The following CLTRN variants were observed in gnomAD, a reference collection of about 807,000 sequenced individuals.
CLTRN encodes collectrin.
Under a neutral mutation model 14.5 loss-of-function variants are expected in CLTRN, and 12 were observed. The observed-to-expected ratio is 0.83, with a 90% confidence interval of 0.53 to 1.34. The LOEUF (loss-of-function observed/expected upper bound fraction) is 1.34, where lower values mean the gene tolerates loss of function less well. CLTRN is among the 40% of genes most tolerant of loss of function. The pLI is 0.00. For missense variants in CLTRN, 154 were observed against 165.1 expected (o/e 0.93, Z 0.37); for synonymous variants, 58 against 56.5 (o/e 1.03, Z -0.12).
intron 3 of CLTRN, among the ~76,000 whole-genome samples, chrX:15,657,126 G>A (rs1334991161): frequency 9.0e-6 from 1 of 110,725 alleles, no homozygotes; most frequent in Non-Finnish European, 1.9e-5. Context: ...GAGTAGCTGG[G>A]ACTATTGGTG....
intron 3 of CLTRN, among the ~76,000 whole-genome samples, chrX:15,648,771 A>T (rs1929150371): frequency 9.1e-6 from 1 of 109,346 alleles, no homozygotes; most frequent in Non-Finnish European, 1.9e-5. Flanking sequence ...AGATCGCGCC[A>T]CTGCACTGCA....
At chrX:15,655,622 C>T (rs1045297043) in intron 3 of CLTRN, among the ~76,000 whole-genome samples, 3 of 111,929 alleles carry the variant, frequency 2.7e-5, no homozygotes, top group Admixed American at 1.9e-4. Context: ...ACTGCTCTCT[C>T]TCTCCCCAGT....
At chrX:15,673,617 G>A (rs1250644533) in intron 1 of CLTRN, among the ~76,000 whole-genome samples, 1 of 112,329 alleles carries the variant, frequency 8.9e-6, no homozygotes, top group Non-Finnish European at 1.9e-5. Context: ...AATAAAAAAT[G>A]TTTTGTTGAA....
At chrX:15,650,336 C>T (rs994150889) in intron 3 of CLTRN, among the ~76,000 whole-genome samples, 11 of 110,440 alleles carry the variant, frequency 1.0e-4, no homozygotes, top group South Asian at 3.8e-4. Context: ...AGTATCTACA[C>T]GAAAAATAAA....
intron 3 of CLTRN, among the ~76,000 whole-genome samples, chrX:15,652,996 G>A (rs1929258338): frequency 1.8e-5 from 2 of 111,215 alleles, no homozygotes; most frequent in Non-Finnish European, 3.8e-5. Context: ...CAGGAGAATT[G>A]CGTTAACCGA....
chrX:15,673,699 G>T (rs769649758), intron 1 of CLTRN, among the ~76,000 whole-genome samples: 1 of 112,587 alleles, frequency 8.9e-6, no homozygotes, highest in African/African-American at 3.2e-5. Flanking sequence ...AGCAGAAATG[G>T]ATGGAAGGTG....
chrX:15,629,196 TAGC>T (rs1233142753), intron 5 of CLTRN, among the ~76,000 whole-genome samples: 8 of 110,871 alleles, frequency 7.2e-5, no homozygotes, highest in Admixed American at 9.6e-5. Context: ...AAATGCCAAA[TAGC>T]AGAAAAGAAT....
At chrX:15,669,172 G>C (rs1321876165), upstream of CLTRN, among the ~76,000 whole-genome samples, 1 of 111,679 alleles carries the variant, frequency 9.0e-6, no homozygotes, top group African/African-American at 3.3e-5. Flanking sequence ...CTAGATACTA[G>C]GGTTCTTGCC....
At chrX:15,645,084 T>A in intron 3 of CLTRN, 55 bp from the exon 4 acceptor site, 1 of 740,859 alleles carries the variant, frequency 1.3e-6, no homozygotes, top group Non-Finnish European at 2.0e-6. Flanking sequence ...CAAATGGCAT[T>A]AAACCGTTCA....
chrX:15,669,268 T>C (rs1040821284), upstream of CLTRN, among the ~76,000 whole-genome samples: 2 of 112,204 alleles, frequency 1.8e-5, no homozygotes, highest in Non-Finnish European at 3.8e-5. Flanking sequence ...AAGTAGTAAG[T>C]TTCCAGAGCC....
chrX:15,629,558 G>C (rs1415440355), intron 5 of CLTRN, among the ~76,000 whole-genome samples: 1 of 111,018 alleles, frequency 9.0e-6, no homozygotes, highest in Non-Finnish European at 1.9e-5. Flanking sequence ...TTCAAAAAAA[G>C]AATATGGTGG....
upstream of CLTRN, among the ~76,000 whole-genome samples, chrX:15,668,996 GATTAT>G (rs1305320172): frequency 7.2e-5 from 8 of 110,915 alleles, no homozygotes; most frequent in East Asian, 2.2e-3. Context: ...TTCTCATTTT[GATTAT>G]ATTATCTTTG....
chrX:15,637,837 T>C (rs1369662958), intron 5 of CLTRN, among the ~76,000 whole-genome samples: 1 of 112,421 alleles, frequency 8.9e-6, no homozygotes, highest in Non-Finnish European at 1.9e-5. Flanking sequence ...AAAAGTTATC[T>C]ATTCACAAAC....
chrX:15,655,037 C>T (rs1929315833), intron 3 of CLTRN, among the ~76,000 whole-genome samples: 2 of 112,118 alleles, frequency 1.8e-5, no homozygotes, highest in Admixed American at 1.9e-4. Context: ...GCTAAGGCAT[C>T]CAGGCCAGTC....
At chrX:15,671,867 C>T (rs1929725573) in intron 1 of CLTRN, among the ~76,000 whole-genome samples, 1 of 92,536 alleles carries the variant, frequency 1.1e-5, no homozygotes, top group South Asian at 4.6e-4. Flanking sequence ...CACACACACA[C>T]ACACACACAC....
intron 2 of CLTRN, among the ~76,000 whole-genome samples, chrX:15,659,406 G>A (rs746870283): frequency 1.8e-5 from 2 of 111,269 alleles, no homozygotes; most frequent in African/African-American, 6.5e-5. Flanking sequence ...GCCATATATA[G>A]TCCATTTTCA....
chrX:15,640,175 C>G (rs1276159935), intron 4 of CLTRN, among the ~76,000 whole-genome samples: 1 of 112,060 alleles, frequency 8.9e-6, no homozygotes, highest in Non-Finnish European at 1.9e-5. Context: ...ACATGCCCAC[C>G]AGTGTGCCAT....
intron 3 of CLTRN, among the ~76,000 whole-genome samples, chrX:15,654,936 C>G (rs1035235679): frequency 8.9e-6 from 1 of 112,572 alleles, no homozygotes; most frequent in Admixed American, 9.3e-5. Context: ...GTTGCTCACA[C>G]TGTTCCCTTT....
At chrX:15,657,007 T>C (rs1265309604) in intron 3 of CLTRN, among the ~76,000 whole-genome samples, 1 of 110,127 alleles carries the variant, frequency 9.1e-6, no homozygotes, top group Non-Finnish European at 1.9e-5. Flanking sequence ...CCCAATTTTT[T>C]TTTTTTTTTG....
Sources: gnomAD v4.1 joint callset for allele counts (sites outside exome capture counted in the v4.1 genomes callset) on GRCh38, gnomAD v4.1.1 for gene constraint, MANE v1.5 for transcripts, NCBI Gene and HGNC (gene_info 2026-07-23, HGNC 2026-07-21) for gene names.